Variants in SMARCA2 observed in about 807,000 individuals in gnomAD.
SMARCA2 encodes the protein SWI/SNF related BAF chromatin remodeling complex subunit ATPase 2, also known as SWI/SNF-related matrix-associated actin-dependent regulator of chromatin subfamily A member 2.
A neutral mutation model predicts 199.8 loss-of-function variants in SMARCA2; 61 were observed. The observed-to-expected ratio is 0.31, with a 90% CI of 0.25 to 0.38. The LOEUF is 0.38. Ranked by LOEUF, SMARCA2 falls within the 10% of genes least tolerant of loss-of-function variation. The pLI, the probability that SMARCA2 is intolerant of heterozygous loss-of-function variation, is 1.00. For synonymous variants in SMARCA2, 935 were observed against 732.0 expected (o/e 1.28, Z -4.48); for missense variants, 1,344 against 2,012.2 (o/e 0.67, Z 6.35).
intron 27 of SMARCA2, among the ~76,000 whole-genome samples, chr9:2,159,182 G>A (rs1212087330): frequency 2.0e-5 from 3 of 152,130 alleles, no homozygotes; most frequent in Admixed American, 6.5e-5. Context: ...AAATTAAGGC[G>A]GGGTGAGAGT....
chr9:2,145,422 G>T (rs1310047713), intron 27 of SMARCA2, among the ~76,000 whole-genome samples: 2 of 151,992 alleles, frequency 1.3e-5, no homozygotes, highest in Admixed American at 6.6e-5. Flanking sequence ...ACAAGACTAA[G>T]ATGTGGGAAT....
intron 32 of SMARCA2, among the ~76,000 whole-genome samples, chr9:2,190,576 A>T (rs1481245570): frequency 5.9e-5 from 9 of 152,218 alleles, no homozygotes; most frequent in African/African-American, 2.2e-4. Flanking sequence ...GTGTATATAT[A>T]CTTACTTGAA....
intron 15 of SMARCA2, among the ~76,000 whole-genome samples, chr9:2,083,062 T>G (rs1451385501): frequency 6.6e-6 from 1 of 152,208 alleles, no homozygotes; most frequent in Non-Finnish European, 1.5e-5. Context: ...ATTGCTCTTT[T>G]TTAATATCAT....
intron 9 of SMARCA2, among the ~76,000 whole-genome samples, chr9:2,064,366 A>G (rs1473529155): frequency 6.6e-6 from 1 of 152,240 alleles, no homozygotes; most frequent in Non-Finnish European, 1.5e-5. Context: ...AATGTTGTCT[A>G]CCCCATAGAT....
intron 7 of SMARCA2, 150 bp from the exon 8 acceptor site, chr9:2,058,139 CAG>C (rs1193830914): frequency 1.5e-6 from 1 of 677,610 alleles, no homozygotes; most frequent in Non-Finnish European, 2.6e-6. Context: ...ACCTTAACTG[CAG>C]AGACACCAGG....
chr9:2,171,581 A>G (rs959097158), intron 29 of SMARCA2, among the ~76,000 whole-genome samples: 3 of 152,240 alleles, frequency 2.0e-5, no homozygotes, highest in Admixed American at 6.5e-5. Flanking sequence ...CACATAAACT[A>G]TAATGTCCAT....
intron 3 of SMARCA2, among the ~76,000 whole-genome samples, chr9:2,034,160 G>A (rs981868302): frequency 2.0e-5 from 3 of 149,152 alleles, no homozygotes; most frequent in Non-Finnish European, 2.9e-5. Context: ...CATGAGAATC[G>A]CTTGAACCCG....
chr9:2,065,164 G>A (rs965738009), intron 9 of SMARCA2, among the ~76,000 whole-genome samples: 4 of 152,152 alleles, frequency 2.6e-5, no homozygotes, highest in Non-Finnish European at 5.9e-5. Flanking sequence ...CAGCCTGGGC[G>A]ACAGAGCGAG....
Position 2,119,664 on chromosome 9 carries a change from A to G in SMARCA2, c.3762+129A>G, listed in dbSNP as rs761211245. The G allele has an allele frequency of 7.8e-6, 5 of 640,098 alleles. No individual in the cohort carries two copies. Among genetic ancestry groups the G allele is most frequent in the Non-Finnish European group, 5.6e-6 (2 of 359,904 alleles). The allele number at this position is 640,098 out of a possible 1,614,324, so 39.7% of individuals were successfully genotyped here. On this transcript the variant is annotated intron_variant, in intron 26 of 33. Transcript: ENST00000349721. The surrounding 1 kb of genome is among the most constrained non-coding windows in gnomAD (Gnocchi z 4.6). Reference sequence around the variant, plus strand: ...AAAGCCTATGCCTTTCCTTCAGTTCAGAGGCTGCAAACTGGCTGGAGTTAG... The same window carrying G: ...AAAGCCTATGCCTTTCCTTCAGTTCGGAGGCTGCAAACTGGCTGGAGTTAG...
At chr9:2,186,062 T>G (rs551493528) in intron 31 of SMARCA2, 34 bp from the exon 32 acceptor site, 20 of 1,605,258 alleles carry the variant, frequency 1.2e-5, no homozygotes, top group Non-Finnish European at 1.6e-5. Flanking sequence ...TAACTCAGCT[T>G]GCAGTTTTAA....
chr9:2,178,144 C>T (rs887659930), intron 29 of SMARCA2, among the ~76,000 whole-genome samples: 11 of 152,218 alleles, frequency 7.2e-5, no homozygotes, highest in African/African-American at 2.4e-4. Context: ...TTTTCCATCT[C>T]GTACTCTATG....
At position 2,017,686 on chromosome 9, in the gene SMARCA2, C is replaced by T. The variant is rs1176484233; in HGVS notation, c.-37+2282C>T. ...AGCGGCAGCGGCGGGGGCCGGGCCG[C>T]GGGCTGTGGCGCGGGCCTAGAGCCG... On this transcript the variant is annotated intron_variant, in intron 1 of 33. Coordinates refer to ENST00000349721, the MANE Select transcript of SMARCA2 (RefSeq NM_003070.5). This position sits in a 1 kb window ranked among gnomAD's most constrained non-coding sequence, Gnocchi z 8.8. 2 of 152,100 alleles carry T rather than the reference C, an allele frequency of 1.3e-5. No individual in the cohort carries two copies. Among genetic ancestry groups the T allele is most frequent in the East Asian group, 1.9e-4 (1 of 5,180 alleles). The allele number at this position is 152,100 out of a possible 1,614,324, so 9.4% of individuals were successfully genotyped here.
chr9:2,053,456 T>C (rs1243493661), intron 5 of SMARCA2, among the ~76,000 whole-genome samples: 4 of 152,230 alleles, frequency 2.6e-5, no homozygotes, highest in African/African-American at 9.6e-5. Flanking sequence ...GAGGTTCCAA[T>C]CTTGGCCCCC....
intron 20 of SMARCA2, 110 bp from the exon 21 acceptor site, chr9:2,097,275 G>GA (rs1822311794): frequency 2.9e-6 from 2 of 689,830 alleles, no homozygotes; most frequent in East Asian, 2.6e-5. Flanking sequence ...GTAGGTGACT[G>GA]AAAAAACCTA....
At chr9:2,051,806 AGTT>A (rs1274403841) in intron 5 of SMARCA2, among the ~76,000 whole-genome samples, 2 of 151,902 alleles carry the variant, frequency 1.3e-5, no homozygotes, top group African/African-American at 4.9e-5. Context: ...GTGAAAGTAA[AGTT>A]GTCTCAGTTT....
chr9:2,060,118 CAAAAAAAAAAAAAAAAA>C (rs372329238), intron 8 of SMARCA2, among the ~76,000 whole-genome samples: 28 of 62,416 alleles, frequency 4.5e-4, no homozygotes, highest in Non-Finnish European at 4.8e-4. Context: ...GATCTGTGGC[CAAAAAAAAAAAAAAAAA>C]AAAAAAAAAA....
intron 8 of SMARCA2, among the ~76,000 whole-genome samples, chr9:2,059,023 A>C (rs1433689559): frequency 6.6e-6 from 1 of 152,212 alleles, no homozygotes; most frequent in Non-Finnish European, 1.5e-5. Flanking sequence ...AAGGCTATTC[A>C]TGGATTATTA....
rs180709254 is a variant in SMARCA2 at position 2,170,584 on chromosome 9, T to C, written c.4253+112T>C. 55 of 1,546,178 alleles carry C rather than the reference T, an allele frequency of 3.6e-5. No homozygotes were observed. In the African/African-American group the frequency reaches 5.8e-4, roughly 16 times the overall value. On this transcript the variant is annotated intron_variant, in intron 29 of 33. Coordinates refer to ENST00000349721, the MANE Select transcript of SMARCA2 (RefSeq NM_003070.5). The surrounding 1 kb of genome is among the most constrained non-coding windows in gnomAD (Gnocchi z 4.7). ...GAAGCAAATTTCTTCGGTCACCTCC[T>C]GATCACCCCTACTTGGAGAGCGGGA...
chr9:2,065,275 T>G (rs1266382904), intron 9 of SMARCA2, among the ~76,000 whole-genome samples: 2 of 152,214 alleles, frequency 1.3e-5, no homozygotes, highest in Admixed American at 6.5e-5. Flanking sequence ...TTCCACATCT[T>G]TCAGTGGGAT....
Sources: gnomAD v4.1 joint callset for allele counts (sites outside exome capture counted in the v4.1 genomes callset) on GRCh38, gnomAD v4.1.1 for gene constraint, Gnocchi (gnomAD v3.1) non-coding constraint, MANE v1.5 for transcripts, NCBI Gene and HGNC (gene_info 2026-07-23, HGNC 2026-07-21) for gene names.